The following PTPRT variants were observed in gnomAD, a reference collection of about 807,000 sequenced individuals.
PTPRT encodes receptor-type tyrosine-protein phosphatase T.
A neutral mutation model predicts 176.8 loss-of-function variants in PTPRT; 56 were observed. The observed-to-expected ratio is 0.32, with a 90% CI of 0.26 to 0.40. The LOEUF (loss-of-function observed/expected upper bound fraction) is 0.40, where lower values mean the gene tolerates loss of function less well. Ranked by LOEUF, PTPRT falls within the 10% of genes least tolerant of loss-of-function variation. PTPRT has a pLI of 1.00. For synonymous variants in PTPRT, 783 were observed against 739.0 expected (o/e 1.06, Z -0.96); for missense variants, 1,540 against 1,908.2 (o/e 0.81, Z 3.60).
chr20:42,412,221 G>T (rs1013294978), intron 9 of PTPRT, among the ~76,000 whole-genome samples: 1 of 152,150 alleles, frequency 6.6e-6, no homozygotes, highest in African/African-American at 2.4e-5. Flanking sequence ...GTGGTACAAA[G>T]ACAGTTCAAC....
chr20:42,881,773 C>T (rs371375338), intron 2 of PTPRT, among the ~76,000 whole-genome samples: 20 of 133,214 alleles, frequency 1.5e-4, no homozygotes, highest in South Asian at 5.1e-4. Flanking sequence ...AACCAAAGAA[C>T]GAAAGAGAAA....
intron 1 of PTPRT, among the ~76,000 whole-genome samples, chr20:43,134,771 T>G (rs188649364): frequency 5.3e-5 from 8 of 152,358 alleles, no homozygotes; most frequent in Admixed American, 2.0e-4. Context: ...TTTGGTGGTA[T>G]TAATGAATTG....
intron 9 of PTPRT, among the ~76,000 whole-genome samples, chr20:42,369,358 G>A (rs1346860271): frequency 6.6e-6 from 1 of 152,194 alleles, no homozygotes; most frequent in Non-Finnish European, 1.5e-5. Flanking sequence ...TCCAACAAAT[G>A]AGACTGTAAG....
intron 9 of PTPRT, among the ~76,000 whole-genome samples, chr20:42,390,676 C>T (rs190536302): frequency 1.2e-4 from 19 of 152,262 alleles, no homozygotes; most frequent in Admixed American, 5.9e-4. Context: ...GGAAGTGGAT[C>T]CCCCAGTCCC....
At chr20:42,682,690 G>A (rs979112625) in intron 6 of PTPRT, among the ~76,000 whole-genome samples, 40 of 152,170 alleles carry the variant, frequency 2.6e-4, no homozygotes, top group East Asian at 1.3e-3. Flanking sequence ...GCATCAAAGC[G>A]CTGCGAGGAC....
chr20:42,623,720 T>C (rs1314121450), intron 7 of PTPRT, among the ~76,000 whole-genome samples: 1 of 152,072 alleles, frequency 6.6e-6, no homozygotes, highest in Non-Finnish European at 1.5e-5. Flanking sequence ...CTGGGACCCC[T>C]TGTTTTAGCC....
chr20:42,994,695 T>C (rs555109055), intron 1 of PTPRT, among the ~76,000 whole-genome samples: 3 of 152,334 alleles, frequency 2.0e-5, no homozygotes, highest in South Asian at 2.1e-4. Context: ...AATTAAAAAT[T>C]CACATAAATT....
intron 7 of PTPRT, among the ~76,000 whole-genome samples, chr20:42,552,630 A>C (rs2072789502): frequency 6.6e-6 from 1 of 152,172 alleles, no homozygotes; most frequent in Admixed American, 6.6e-5. Flanking sequence ...TTTTCTCATG[A>C]TCCTAGGCCA....
At chr20:43,033,567 T>C (rs1986235817) in intron 1 of PTPRT, among the ~76,000 whole-genome samples, 1 of 152,198 alleles carries the variant, frequency 6.6e-6, no homozygotes, top group Admixed American at 6.5e-5. Context: ...AAGTCCAGGT[T>C]GGGAAGGAGC....
At chr20:42,503,875 C>A (rs537535962) in intron 7 of PTPRT, among the ~76,000 whole-genome samples, 3 of 152,194 alleles carry the variant, frequency 2.0e-5, no homozygotes, top group African/African-American at 2.4e-5. Flanking sequence ...ACTGATTCTA[C>A]CGTTTGGAAT....
At chr20:43,098,342 C>T (rs989565194) in intron 1 of PTPRT, among the ~76,000 whole-genome samples, 2 of 152,166 alleles carry the variant, frequency 1.3e-5, no homozygotes, top group African/African-American at 4.8e-5. Context: ...TGTGACTCAA[C>T]CCTTCTGCCT....
chr20:42,725,148 C>T (rs1232317708), intron 6 of PTPRT, among the ~76,000 whole-genome samples: 1 of 151,730 alleles, frequency 6.6e-6, no homozygotes, highest in African/African-American at 2.4e-5. Flanking sequence ...CTGCCTCAGC[C>T]TCCTGAGTAG....
intron 14 of PTPRT, among the ~76,000 whole-genome samples, chr20:42,246,402 C>G (rs750955480): frequency 6.6e-6 from 1 of 152,090 alleles, no homozygotes; most frequent in Non-Finnish European, 1.5e-5. Context: ...TATGTAAACA[C>G]TGATTAGCAC....
intron 1 of PTPRT, among the ~76,000 whole-genome samples, chr20:42,986,651 T>A (rs1983595288): frequency 6.6e-6 from 1 of 152,186 alleles, no homozygotes; most frequent in South Asian, 2.1e-4. Flanking sequence ...CAGTAGATAG[T>A]CATCCATTCT....
intron 2 of PTPRT, among the ~76,000 whole-genome samples, chr20:42,870,917 T>C (rs2078834120): frequency 6.6e-6 from 1 of 152,124 alleles, no homozygotes; most frequent in South Asian, 2.1e-4. Flanking sequence ...GATTTGTATT[T>C]CTCTAATGAT....
intron 6 of PTPRT, among the ~76,000 whole-genome samples, chr20:42,703,902 G>T (rs1280755767): frequency 1.3e-5 from 2 of 152,134 alleles, no homozygotes; most frequent in Non-Finnish European, 2.9e-5. Context: ...ACTTGATGTT[G>T]TTGGAAGCTG....
chr20:42,573,895 C>T (rs952147336), intron 7 of PTPRT, among the ~76,000 whole-genome samples: 4 of 151,842 alleles, frequency 2.6e-5, no homozygotes, highest in East Asian at 1.9e-4. Context: ...ATTACAGGCC[C>T]GTGCCACCAC....
At chr20:42,628,810 G>T (rs1035272128) in intron 7 of PTPRT, among the ~76,000 whole-genome samples, 11 of 152,242 alleles carry the variant, frequency 7.2e-5, no homozygotes, top group African/African-American at 2.6e-4. Context: ...ATGCCCATTT[G>T]TTTACGTATG....
intron 7 of PTPRT, among the ~76,000 whole-genome samples, chr20:42,533,495 CA>C (rs1288777075): frequency 6.6e-6 from 1 of 151,916 alleles, no homozygotes; most frequent in Non-Finnish European, 1.5e-5. Flanking sequence ...ACACAATGGG[CA>C]GTGTGTTCTC....
Sources: allele counts gnomAD v4.1 joint callset (sites outside exome capture counted in the v4.1 genomes callset), GRCh38; gene constraint gnomAD v4.1.1; transcripts MANE v1.5; gene names NCBI Gene and HGNC (gene_info 2026-07-23, HGNC 2026-07-21).